ECE2: variants seen among roughly 807,000 people sequenced by gnomAD.
ECE2 encodes endothelin converting enzyme 2.
A neutral mutation model predicts 100.6 loss-of-function variants in ECE2; 81 were observed. The observed-to-expected ratio is 0.81, with a 90% CI of 0.67 to 0.97. The LOEUF is 0.97. Ranked by LOEUF, ECE2 falls within the 50% of genes least tolerant of loss-of-function variation. ECE2 has a pLI of 0.00. For synonymous variants in ECE2, 391 were observed against 391.5 expected (o/e 1.00, Z 0.02); for missense variants, 911 against 988.1 (o/e 0.92, Z 1.05).
At chr3:184,287,752 G>T in intron 10 of ECE2, 85 bp from the exon 11 acceptor site, 1 of 1,217,166 alleles carries the variant, frequency 8.2e-7, no homozygotes, top group Non-Finnish European at 1.2e-6. Flanking sequence ...AGCTGAGAAG[G>T]GCTGCTAGCC....
chr3:184,291,041 G>T lies in ECE2; in HGVS notation c.1836G>T (p.Gly612=). ...GGTGCAAAGGTGAGTTCTCCTCAGG[G>T]CGCGAGTATGACAAAGAAGGGAACC... The part of the protein sequence containing the change: ...HELTHAFDDQ[G]REYDKEGNLR... Residue 612 remains glycine, a splice_region_variant and synonymous_variant, in exon 17 of 19, where the codon GGG becomes GGT. Transcript: ENST00000404464. The surrounding 1 kb of genome is among the most constrained non-coding windows in gnomAD (Gnocchi z 4.1). The T allele has an allele frequency of 6.4e-7, 1 of 1,564,662 alleles. No individual in the cohort carries two copies. The highest frequency in any genetic ancestry group is 1.2e-5 in the South Asian group (1 of 83,610).
At chr3:184,279,085 G>A (rs377466367) in intron 7 of ECE2, among the ~76,000 whole-genome samples, 1 of 152,006 alleles carries the variant, frequency 6.6e-6, no homozygotes, top group East Asian at 1.9e-4. Context: ...CGAGGTGGGT[G>A]GATCACCTGA....
intron 3 of ECE2, 83 bp from the exon 4 acceptor site, chr3:184,277,168 C>T (rs746337525): frequency 6.2e-7 from 1 of 1,601,470 alleles, no homozygotes; most frequent in Non-Finnish European, 8.5e-7. Context: ...AACCTTCCTG[C>T]TGTCATGGCC....
intron 7 of ECE2, among the ~76,000 whole-genome samples, chr3:184,280,701 G>A (rs992028798): frequency 1.3e-5 from 2 of 152,054 alleles, no homozygotes; most frequent in South Asian, 2.1e-4. Flanking sequence ...AAATTGGGCC[G>A]GGTGTGGTGG....
chr3:184,287,230 C>T (rs1007894024), intron 10 of ECE2, among the ~76,000 whole-genome samples: 4 of 149,730 alleles, frequency 2.7e-5, no homozygotes, highest in African/African-American at 7.4e-5. Flanking sequence ...GAGCTGAGAT[C>T]GCACCACTGC....
chr3:184,284,118 G>A, intron 8 of ECE2, 145 bp downstream of exon 8: 1 of 1,031,724 alleles, frequency 9.7e-7, no homozygotes. Flanking sequence ...CACTGCTGCT[G>A]TCCTGGGGAA....
chr3:184,291,208 G>A lies in ECE2; in HGVS notation c.2003G>A (p.Gly668Glu). The A allele has an allele frequency of 1.2e-6, 2 of 1,612,772 alleles. No homozygotes were observed. The highest frequency in any genetic ancestry group is 1.7e-6 in the Non-Finnish European group (2 of 1,179,390). ...CTGGGGGAGAACATTGCTGACAACG[G>A]GGGGCTGAAGGCTGCCTACAATGTG... ...QTLGENIADN[G>E]GLKAAYNAYK... Residue 668 changes from glycine (G) to glutamate (E), a missense_variant, in exon 17 of 19, where the codon GGG becomes GAG. By Grantham distance (98) the Gly-to-Glu change is moderately conservative. Transcript: ENST00000404464. The surrounding 1 kb of genome is among the most constrained non-coding windows in gnomAD (Gnocchi z 4.1).
At chr3:184,284,507 A>T (rs1433953885) in intron 8 of ECE2, among the ~76,000 whole-genome samples, 1 of 147,856 alleles carries the variant, frequency 6.8e-6, no homozygotes, top group Non-Finnish European at 1.5e-5. Flanking sequence ...GCGCCATTGC[A>T]CTCCAGCTTG....
chr3:184,290,759 G>T, intron 15 of ECE2, 34 bp from the exon 16 acceptor site: 1 of 1,613,650 alleles, frequency 6.2e-7, no homozygotes. Flanking sequence ...AAGTACCCCC[G>T]CCATGTCCTC....
rs781393746 is a variant in ECE2, at chr3:184,276,936, G to A, written c.171G>A (p.Thr57=). 3.1e-6 allele frequency: 5 copies of A among 1,614,194 alleles called. No individual in the cohort carries two copies. The highest frequency in any genetic ancestry group is 2.7e-5 in the African/African-American group (2 of 75,062). ...CAAGACAGCTGTTAGGCTCACGCAC[G>A]CAGCTGGAGCTGGTCTTAGCAGGTG... The part of the protein sequence containing the change: ...KGTRQLLGSR[T]QLELVLAGAS... Residue 57 remains threonine (T), a synonymous_variant, in exon 3 of 19, where the codon ACG becomes ACA. Transcript: ENST00000404464.
Position 184,291,218 on chromosome 3 carries a change from G to T in ECE2, c.2013G>T (p.Lys671Asn). The T allele has an allele frequency of 6.2e-7, 1 of 1,612,146 alleles. No individual in the cohort carries two copies. The highest frequency in any genetic ancestry group is 8.5e-7 in the Non-Finnish European group (1 of 1,179,000). The stretch of plus-strand genomic sequence containing the variant: ...ACATTGCTGACAACGGGGGGCTGAA[G>T]GCTGCCTACAATGTGAGTGGCCTGA... ...GENIADNGGL[K>N]AAYNAYKAWL... Residue 671 changes from lysine (K) to asparagine (N), a missense_variant, in exon 17 of 19, where the codon AAG becomes AAT. Transcript: ENST00000404464. The surrounding 1 kb of genome is among the most constrained non-coding windows in gnomAD (Gnocchi z 4.1).
At chr3:184,281,924 C>A (rs1720828573) in intron 7 of ECE2, among the ~76,000 whole-genome samples, 1 of 152,216 alleles carries the variant, frequency 6.6e-6, no homozygotes, top group Admixed American at 6.5e-5. Flanking sequence ...CATGGCGAAA[C>A]ACTGTCTCTA....
rs763272217 is a variant in ECE2, at chr3:184,277,231, G to A, written c.263-20G>A. ...ACAGACTGACAGTCTCCTACCCTCC[G>A]GCCATGTTCCCTACCACAGACCCAT... On this transcript the variant is annotated intron_variant, in intron 3 of 18. Transcript: ENST00000404464. The A allele has an allele frequency of 4.9e-5, 79 of 1,613,900 alleles. No homozygotes were observed. Among genetic ancestry groups the A allele is most frequent in the East Asian group, 2.9e-4 (13 of 44,886 alleles).
Position 184,291,465 on chromosome 3 carries a change from G to C in ECE2, c.2121+26G>C, listed in dbSNP as rs941595590. The C allele has an allele frequency of 3.2e-6, 5 of 1,547,048 alleles. No homozygotes were observed. The Admixed American group carries it at 7.9e-5, about 24-fold the overall frequency. ...GTATCACCCTCTCGGAAGGCCTGGG[G>C]TCTGCCCCTTTGTCCTGCTCCCTCC... On this transcript the variant is annotated intron_variant, in intron 18 of 18. Transcript: ENST00000404464. This position sits in a 1 kb window ranked among gnomAD's most constrained non-coding sequence, Gnocchi z 4.1.
At chr3:184,288,746 G>T (rs772518874) in intron 11 of ECE2, among the ~76,000 whole-genome samples, 1 of 152,120 alleles carries the variant, frequency 6.6e-6, no homozygotes, top group Admixed American at 6.5e-5. Flanking sequence ...TCTAGAAGTG[G>T]GTAATCAAAA....
At chr3:184,280,185 T>C (rs1260043520) in intron 7 of ECE2, among the ~76,000 whole-genome samples, 1 of 151,984 alleles carries the variant, frequency 6.6e-6, no homozygotes, top group African/African-American at 2.4e-5. Flanking sequence ...TTAGGGTACA[T>C]TGAGAAAGAG....
At chr3:184,277,556 G>C in intron 4 of ECE2, 90 bp downstream of exon 4, 2 of 1,358,776 alleles carry the variant, frequency 1.5e-6, no homozygotes, top group Non-Finnish European at 1.0e-6. Context: ...CAGTGTCCAT[G>C]AATGAGGAAG....
chr3:184,291,347 T>C lies in ECE2; in HGVS notation c.2029T>C (p.Tyr677His). 5 of 1,605,980 alleles carry C rather than the reference T, an allele frequency of 3.1e-6. No individual in the cohort carries two copies. Among genetic ancestry groups the C allele is most frequent in the Non-Finnish European group, 4.3e-6 (5 of 1,175,584 alleles). ...TTGCCCACTGTTCTGTCCCCAGGCT[T>C]ACAAAGCATGGCTGAGAAAGCATGG... is the stretch of plus-strand genomic sequence containing the variant. Reference protein sequence around the residue: ...NGGLKAAYNAYKAWLRKHGEE... With the variant: ...NGGLKAAYNAHKAWLRKHGEE... Residue 677 changes from tyrosine to histidine, a missense_variant, in exon 18 of 19, where the codon TAC becomes CAC. Tyr to His is a moderately conservative substitution (Grantham distance 83). Transcript: ENST00000404464. This position sits in a 1 kb window ranked among gnomAD's most constrained non-coding sequence, Gnocchi z 4.1.
At chr3:184,290,214 G>A (rs1384690631) in intron 13 of ECE2, 41 bp from the exon 14 acceptor site, 1 of 1,535,620 alleles carries the variant, frequency 6.5e-7, no homozygotes. Context: ...CTTCTCCAAT[G>A]GATTCTCTTG....
Sources: allele counts gnomAD v4.1 joint callset (sites outside exome capture counted in the v4.1 genomes callset), GRCh38; gene constraint gnomAD v4.1.1; non-coding constraint Gnocchi (gnomAD v3.1); transcripts MANE v1.5; gene names NCBI Gene and HGNC (gene_info 2026-07-23, HGNC 2026-07-21).